The following MGST2 variants were observed in gnomAD, a reference collection of about 807,000 sequenced individuals.
MGST2 encodes glutathione peroxidase MGST2.
In MGST2, 9 loss-of-function variants were observed where a neutral mutation model predicts 16.6. The observed-to-expected ratio is 0.54, with a 90% CI of 0.33 to 0.95. The LOEUF (loss-of-function observed/expected upper bound fraction) is 0.95, where lower values mean the gene tolerates loss of function less well. Ranked by LOEUF, MGST2 falls within the 40% of genes least tolerant of loss-of-function variation. The pLI is 0.03. For synonymous variants in MGST2, 79 were observed against 68.0 expected (o/e 1.16, Z -0.79); for missense variants, 159 against 175.1 (o/e 0.91, Z 0.52).
the MGST2 span, among the ~76,000 whole-genome samples, chr4:139,751,010 T>C: frequency 6.6e-6 from 1 of 152,240 alleles, no homozygotes; most frequent in Non-Finnish European, 1.5e-5. Flanking sequence ...AATCACTCTT[T>C]TCCTGAAGTT....
intron 3 of MGST2, among the ~76,000 whole-genome samples, chr4:139,703,193 T>A (rs565234965): frequency 3.4e-4 from 51 of 152,058 alleles, no homozygotes; most frequent in African/African-American, 1.2e-3. Flanking sequence ...TCTCAAAGTG[T>A]TGGGAATACA....
intron 5 of MGST2, among the ~76,000 whole-genome samples, chr4:139,721,910 A>G (rs345981): frequency 0.29 from 44,580 of 152,154 alleles, 8,368 homozygotes; most frequent in Middle Eastern, 0.44. Context: ...TATCGGCTGC[A>G]TGGCCAATAA....
At chr4:139,736,026 T>C (rs1367983981) in intron 5 of MGST2, among the ~76,000 whole-genome samples, 1 of 152,200 alleles carries the variant, frequency 6.6e-6, no homozygotes, top group Non-Finnish European at 1.5e-5. Context: ...AGATGAGGAT[T>C]GTTCGTGGCA....
chr4:139,721,968 TA>T (rs1728254091), intron 5 of MGST2, among the ~76,000 whole-genome samples: 1 of 152,312 alleles, frequency 6.6e-6, no homozygotes, highest in East Asian at 1.9e-4. Context: ...AAAAAAAGTT[TA>T]AGGGAAAAAT....
downstream of MGST2, among the ~76,000 whole-genome samples, chr4:139,742,149 CTTT>C (rs67056013): frequency 0.019 from 2,191 of 113,646 alleles, 47 homozygotes; most frequent in African/African-American, 0.067. Flanking sequence ...CTTTTCTTTT[CTTT>C]TTTTTTTTTT....
intron 2 of MGST2, among the ~76,000 whole-genome samples, chr4:139,679,902 AT>A (rs1331178866): frequency 6.6e-6 from 1 of 152,198 alleles, no homozygotes; most frequent in Non-Finnish European, 1.5e-5. Flanking sequence ...ATTAATGTTT[AT>A]TTTTATCAAA....
rs8192063 is a variant in MGST2, at chr4:139,678,740, T to C, written c.158+98T>C. The C allele has an allele frequency of 7.6e-4, 701 of 917,410 alleles. 3 individuals are homozygous for C. In the African/African-American group the frequency reaches 9.0e-3, roughly 12 times the overall value. The allele number at this position is 917,410 out of a possible 1,614,324, so 56.8% of individuals were successfully genotyped here. On this transcript the variant is annotated intron_variant, in intron 2 of 4. Coordinates refer to ENST00000265498, the MANE Select transcript of MGST2 (RefSeq NM_002413.5). ...GGATATGGAGAAGACCCTAAGTTCA[T>C]GTGCAATATCTAGTTATAACAAGTC...
At chr4:139,711,100 A>G (rs754149318) in intron 5 of MGST2, among the ~76,000 whole-genome samples, 149 of 151,076 alleles carry the variant, frequency 9.9e-4, no homozygotes, top group Middle Eastern at 3.5e-3. Flanking sequence ...TGCAGCCTTG[A>G]CTTCCTGGGC....
At chr4:139,708,368 G>C (rs1189171979), downstream of MGST2, among the ~76,000 whole-genome samples, 2 of 152,166 alleles carry the variant, frequency 1.3e-5, no homozygotes, top group Non-Finnish European at 2.9e-5. Context: ...AGATCAGATG[G>C]TTGTAGATAT....
chr4:139,734,928 C>T (rs970420616), intron 5 of MGST2, among the ~76,000 whole-genome samples: 1 of 152,246 alleles, frequency 6.6e-6, no homozygotes, highest in Non-Finnish European at 1.5e-5. Flanking sequence ...TCCAGGCGTC[C>T]CTCGCCGGGG....
At chr4:139,697,646 A>C (rs915498891) in intron 3 of MGST2, among the ~76,000 whole-genome samples, 1 of 152,206 alleles carries the variant, frequency 6.6e-6, no homozygotes, top group Non-Finnish European at 1.5e-5. Flanking sequence ...GTATTTTAAT[A>C]GCAAACTTAC....
At chr4:139,754,120 T>C in the MGST2 span, among the ~76,000 whole-genome samples, 1 of 152,242 alleles carries the variant, frequency 6.6e-6, no homozygotes, top group Non-Finnish European at 1.5e-5. Context: ...AACTGGCATA[T>C]GCCCTATGAC....
intron 3 of MGST2, among the ~76,000 whole-genome samples, chr4:139,701,756 G>T (rs1210418825): frequency 1.3e-5 from 2 of 151,948 alleles, no homozygotes; most frequent in Non-Finnish European, 2.9e-5. Context: ...TTGAGTCCAG[G>T]AGTTCAAGAC....
rs376170350 is a variant in MGST2, at chr4:139,715,893, G to A, written c.*48+11697G>A. 1.3e-5 allele frequency among the ~76,000 whole-genome samples: 2 copies of A among 152,214 alleles called. No individual in the cohort carries two copies. Among genetic ancestry groups the A allele is most frequent in the African/African-American group, 2.4e-5 (1 of 41,516 alleles). Reference sequence around the variant, plus strand: ...TCCTGTGACTTAGAATGCCTTAACCGTCTGGGAATGCAGCCCAGTAGGTTT... The same window carrying A: ...TCCTGTGACTTAGAATGCCTTAACCATCTGGGAATGCAGCCCAGTAGGTTT... On this transcript the variant is annotated intron_variant, in intron 5 of 5. Coordinates refer to the MGST2 transcript ENST00000616265. This position sits in a 1 kb window ranked among gnomAD's most constrained non-coding sequence, Gnocchi z 4.4.
chr4:139,744,276 T>C (rs555412451), downstream of MGST2, among the ~76,000 whole-genome samples: 111 of 152,220 alleles, frequency 7.3e-4, no homozygotes, highest in Non-Finnish European at 1.3e-3. Context: ...CTGTGCAGCA[T>C]TGCATATCCT....
At chr4:139,705,082 T>C (rs887219142), downstream of MGST2, among the ~76,000 whole-genome samples, 17 of 152,314 alleles carry the variant, frequency 1.1e-4, no homozygotes, top group African/African-American at 3.1e-4. Flanking sequence ...ACGGTCTTGC[T>C]GTCACCCAGG....
At chr4:139,706,475 T>G (rs535377133), downstream of MGST2, among the ~76,000 whole-genome samples, 3 of 152,370 alleles carry the variant, frequency 2.0e-5, no homozygotes, top group African/African-American at 7.2e-5. Context: ...TCAGTTATGA[T>G]CGTGACTTGG....
At chr4:139,683,999 C>A (rs1330346092) in intron 2 of MGST2, among the ~76,000 whole-genome samples, 1 of 145,422 alleles carries the variant, frequency 6.9e-6, no homozygotes, top group African/African-American at 2.5e-5. Flanking sequence ...AATCTTGGCT[C>A]ACTGCAACCT....
rs1200740610 is a variant in MGST2, at chr4:139,735,689, C to T, written c.*49-4523C>T. 3.3e-5 allele frequency among the ~76,000 whole-genome samples: 5 copies of T among 152,220 alleles called. No individual in the cohort carries two copies. Among genetic ancestry groups the T allele is most frequent in the African/African-American group, 1.2e-4 (5 of 41,456 alleles). ...GTTTTATTGAAAAAGTCCCCTGGGG[C>T]CTAATTTAGCCTCTCGACTCCAGCC... On this transcript the variant is annotated intron_variant, in intron 5 of 5. Transcript: ENST00000616265. The surrounding 1 kb of genome is among the most constrained non-coding windows in gnomAD (Gnocchi z 5.8).
Sources: allele counts gnomAD v4.1 joint callset (sites outside exome capture counted in the v4.1 genomes callset), GRCh38; gene constraint gnomAD v4.1.1; non-coding constraint Gnocchi (gnomAD v3.1); transcripts MANE v1.5; gene names NCBI Gene and HGNC (gene_info 2026-07-23, HGNC 2026-07-21).